GABBR2: variants seen among roughly 807,000 people sequenced by gnomAD.
GABBR2 encodes the protein gamma-aminobutyric acid type B receptor subunit 2, also known as G-protein coupled receptor 51.
In GABBR2, 23 loss-of-function variants were observed where a neutral mutation model predicts 105.6. The observed-to-expected ratio is 0.22, with a 90% confidence interval of 0.16 to 0.31. The LOEUF (loss-of-function observed/expected upper bound fraction) is 0.31. Among genes scored for constraint, GABBR2 ranks in the 10% least tolerant of loss-of-function variants. The pLI, the probability that GABBR2 is intolerant of heterozygous loss-of-function variation, is 1.00. For missense variants in GABBR2, 734 were observed against 1,245.5 expected, an observed-to-expected ratio of 0.59 and a Z score of 6.18; for synonymous variants, 478 against 499.7, an observed-to-expected ratio of 0.96 and a Z score of 0.58.
intron 3 of GABBR2, among the ~76,000 whole-genome samples, chr9:98,527,224 T>G (rs1443621529): frequency 1.3e-5 from 2 of 151,734 alleles, no homozygotes; most frequent in Non-Finnish European, 2.9e-5. Flanking sequence ...TAAGGTTATA[T>G]TAGCATTTCC....
chr9:98,646,203 T>C (rs151039511), intron 1 of GABBR2, among the ~76,000 whole-genome samples: 29 of 152,338 alleles, frequency 1.9e-4, no homozygotes, highest in African/African-American at 7.0e-4. Flanking sequence ...GCCTAAATTG[T>C]TTGTGCAGAC....
intron 3 of GABBR2, among the ~76,000 whole-genome samples, chr9:98,541,215 T>C (rs2131739851): frequency 6.6e-6 from 1 of 152,306 alleles, no homozygotes; most frequent in Non-Finnish European, 1.5e-5. Context: ...ATGAAGTCAT[T>C]TGGCTTTAAA....
chr9:98,698,235 G>A (rs57886906), intron 1 of GABBR2, among the ~76,000 whole-genome samples: 2,103 of 152,202 alleles, frequency 0.014, 53 homozygotes, highest in African/African-American at 0.048. Flanking sequence ...GTCTGCTTCC[G>A]CCAGCAGCTG....
intron 7 of GABBR2, among the ~76,000 whole-genome samples, chr9:98,432,829 T>C (rs1825837307): frequency 6.6e-6 from 1 of 152,138 alleles, no homozygotes; most frequent in South Asian, 2.1e-4. Context: ...CCACTGACTG[T>C]CCAACCCAGG....
intron 1 of GABBR2, among the ~76,000 whole-genome samples, chr9:98,668,064 A>G (rs1043079191): frequency 2.6e-5 from 4 of 152,244 alleles, no homozygotes; most frequent in Non-Finnish European, 5.9e-5. Context: ...TTACAGCTCC[A>G]GGGCTCTCCC....
At chr9:98,293,955 A>T in intron 17 of GABBR2, 53 bp from the exon 18 acceptor site, 1 of 1,091,358 alleles carries the variant, frequency 9.2e-7, no homozygotes, top group Non-Finnish European at 1.4e-6. Flanking sequence ...AGTTTTTAAA[A>T]ATCAACAATG....
intron 1 of GABBR2, among the ~76,000 whole-genome samples, chr9:98,639,101 T>C (rs1829922329): frequency 6.6e-6 from 1 of 152,208 alleles, no homozygotes; most frequent in South Asian, 2.1e-4. Flanking sequence ...ACACCTCCAG[T>C]GCTGGTTTCT....
intron 13 of GABBR2, among the ~76,000 whole-genome samples, chr9:98,356,326 TCAA>T (rs1831482727): frequency 6.6e-6 from 1 of 152,118 alleles, no homozygotes; most frequent in Non-Finnish European, 1.5e-5. Flanking sequence ...CTCTTAAAAT[TCAA>T]CAATAAGAAA....
intron 17 of GABBR2, among the ~76,000 whole-genome samples, chr9:98,295,722 C>T (rs534827687): frequency 2.6e-5 from 4 of 152,292 alleles, no homozygotes; most frequent in African/African-American, 9.6e-5. Context: ...GACAGGGTTT[C>T]ACCATGTTGG....
At chr9:98,695,154 C>A (rs978673575) in intron 1 of GABBR2, among the ~76,000 whole-genome samples, 1 of 152,186 alleles carries the variant, frequency 6.6e-6, no homozygotes, top group Non-Finnish European at 1.5e-5. Context: ...ATCACTCATG[C>A]GAAACACATT....
chr9:98,435,472 A>C (rs139567804), intron 7 of GABBR2, among the ~76,000 whole-genome samples: 1 of 152,066 alleles, frequency 6.6e-6, no homozygotes, highest in East Asian at 1.9e-4. Flanking sequence ...TCTATACCCA[A>C]TATCACTGAG....
intron 9 of GABBR2, among the ~76,000 whole-genome samples, chr9:98,391,144 C>T (rs1329957624): frequency 6.6e-6 from 1 of 152,098 alleles, no homozygotes; most frequent in Non-Finnish European, 1.5e-5. Context: ...AGACTGAGCA[C>T]CAATGATACA....
rs1407358559 is a variant in GABBR2 at position 98,367,808 on chromosome 9, C to T, written c.1770+3656G>A. On this transcript the variant is annotated intron_variant, in intron 12 of 18. Transcript: ENST00000259455. ...AAATTTATATCTTACCCAAACCACA[C>T]ACTCAATCAGGGAACCAGATTGTTT... Among the ~76,000 whole-genome samples the T allele has an allele frequency of 2.0e-5, 3 of 152,136 alleles. No individual in the cohort carries two copies. The East Asian group carries it at 5.8e-4, about 29-fold the overall frequency.
At chr9:98,342,507 G>C (rs1831230887) in intron 13 of GABBR2, among the ~76,000 whole-genome samples, 1 of 152,050 alleles carries the variant, frequency 6.6e-6, no homozygotes, top group African/African-American at 2.4e-5. Flanking sequence ...CTTCAGATGG[G>C]GTATGGTCCT....
intron 1 of GABBR2, among the ~76,000 whole-genome samples, chr9:98,697,071 A>G (rs1264975520): frequency 1.3e-5 from 2 of 152,230 alleles, no homozygotes; most frequent in African/African-American, 4.8e-5. Flanking sequence ...TGGTTTACTC[A>G]GAGCGTAAGC....
At position 98,414,615 on chromosome 9, in the gene GABBR2, T is replaced by TATTCCAATTGTGCCAGTCGCTGGATAGC. The variant is rs531810419; in HGVS notation, c.1237-8475_1237-8474insGCTATCCAGCGACTGGCACAATTGGAAT. Among the ~76,000 whole-genome samples the TATTCCAATTGTGCCAGTCGCTGGATAGC allele has an allele frequency of 2.4e-4, 37 of 152,368 alleles. 1 individual carries two copies. Among genetic ancestry groups the TATTCCAATTGTGCCAGTCGCTGGATAGC allele is most frequent in the Admixed American group, 1.7e-3 (26 of 15,304 alleles). On this transcript the variant is annotated intron_variant, in intron 7 of 18. Transcript: ENST00000259455. ...AGTTATCAAAGGTTAGAACAAGTGA[T>TATTCCAATTGTGCCAGTCGCTGGATAGC]ATTCCAATTGTGCCAGTCGCTGGCT...
At chr9:98,364,161 G>A (rs897832364) in intron 12 of GABBR2, among the ~76,000 whole-genome samples, 1 of 152,170 alleles carries the variant, frequency 6.6e-6, no homozygotes, top group African/African-American at 2.4e-5. Context: ...GGCAAAGCCC[G>A]CTCTGAGATT....
At chr9:98,503,846 T>G (rs1472377168) in intron 3 of GABBR2, among the ~76,000 whole-genome samples, 2 of 152,026 alleles carry the variant, frequency 1.3e-5, no homozygotes, top group Non-Finnish European at 2.9e-5. Flanking sequence ...CTGGGGAGTT[T>G]TAGAAACTGC....
chr9:98,669,787 G>A (rs1452716795), intron 1 of GABBR2, among the ~76,000 whole-genome samples: 1 of 152,124 alleles, frequency 6.6e-6, no homozygotes, highest in East Asian at 1.9e-4. Context: ...GAACAGACTA[G>A]GGGCAGGGGC....
Sources: allele counts gnomAD v4.1 joint callset (sites outside exome capture counted in the v4.1 genomes callset), GRCh38; gene constraint gnomAD v4.1.1; transcripts MANE v1.5; gene names NCBI Gene and HGNC (gene_info 2026-07-23, HGNC 2026-07-21).